The following SDHB variants were observed in gnomAD, a reference collection of about 807,000 sequenced individuals.
SDHB encodes the protein succinate dehydrogenase complex iron sulfur subunit B.
SDHB carries 21 observed loss-of-function variants against 39.7 expected under a neutral mutation model. That is an observed-to-expected ratio of 0.53 (90% CI 0.37 to 0.76). The LOEUF is 0.76. SDHB is among the 30% of genes least tolerant of loss of function. The pLI, the probability that SDHB is intolerant of heterozygous loss-of-function variation, is 0.00. For synonymous variants in SDHB, 118 were observed against 117.0 expected, an observed-to-expected ratio of 1.01 and a Z score of -0.06; for missense variants, 343 against 350.9, an observed-to-expected ratio of 0.98 and a Z score of 0.18.
chr1:17,051,786 T>A (rs1311918579), intron 1 of SDHB, among the ~76,000 whole-genome samples: 1 of 152,102 alleles, frequency 6.6e-6, no homozygotes, highest in African/African-American at 2.4e-5. Context: ...TTATTCTGAT[T>A]TGTAAATAGG....
Position 17,022,872 on chromosome 1 carries a change from C to CCA in SDHB, c.643-144_643-143dup, listed in dbSNP as rs201222973. 3,392 of 1,083,166 alleles carry CCA rather than the reference C, an allele frequency of 3.1e-3. 149 individuals are homozygous for CCA. The Admixed American group carries it at 0.064, about 21-fold the overall frequency. The allele number at this position is 1,083,166 out of a possible 1,614,324, so 67.1% of individuals were successfully genotyped here. A position where few individuals can be genotyped will look rare whatever the true frequency, so the allele number is the denominator to read the frequency against. On this transcript the variant is annotated intron_variant, in intron 6 of 7. Coordinates refer to ENST00000375499, the MANE Select transcript of SDHB (RefSeq NM_003000.3). Reference sequence around the variant, plus strand: ...CATCTCCATACTCTTTAATTCTTGTCCATCTTTCAAGGAAAGGTTCCCAAC... The same window carrying CCA: ...CATCTCCATACTCTTTAATTCTTGTCCACATCTTTCAAGGAAAGGTTCCCAAC...
intron 2 of SDHB, among the ~76,000 whole-genome samples, chr1:17,043,025 G>A (rs1405324855): frequency 3.8e-5 from 5 of 130,466 alleles, no homozygotes; most frequent in Non-Finnish European, 7.7e-5. Flanking sequence ...GCAGTGGCAC[G>A]ATCTCGGCTC....
intron 5 of SDHB, 132 bp downstream of exon 5, chr1:17,027,617 C>T (rs967297166): frequency 2.7e-6 from 2 of 746,564 alleles, no homozygotes; most frequent in Non-Finnish European, 4.9e-6. Context: ...GAGTGCCCCA[C>T]CCTTGTGCCA....
At chr1:17,028,805 T>C in intron 3 of SDHB, 69 bp from the exon 4 acceptor site, 1 of 1,579,830 alleles carries the variant, frequency 6.3e-7, no homozygotes, top group Non-Finnish European at 8.6e-7. Context: ...AATACTTTCT[T>C]CTGGATCCTC....
rs370923034 is a variant in SDHB, at chr1:17,040,799, C to G, written c.200+3962G>C. ...GATGCTGTTCCATAGATCACAGGAG[C>G]GCTTTCCCTTTTCAAAAATCTTTCT... On this transcript the variant is annotated intron_variant, in intron 2 of 7. Coordinates refer to ENST00000375499, the MANE Select transcript of SDHB (RefSeq NM_003000.3). Among the ~76,000 whole-genome samples the G allele has an allele frequency of 5.3e-5, 8 of 152,024 alleles. No individual in the cohort carries two copies. The East Asian group carries it at 1.4e-3, about 26-fold the overall frequency.
Position 17,018,898 on chromosome 1 carries a change from TCTC to T in SDHB, c.823_825del (p.Glu275del), listed in dbSNP as rs1221042239. 1.2e-6 allele frequency: 2 copies of T among 1,612,200 alleles called. No homozygotes were observed. The highest frequency in any genetic ancestry group is 1.7e-6 in the Non-Finnish European group (2 of 1,178,474). On this transcript the variant is annotated inframe_deletion, in exon 8 of 8. Coordinates refer to ENST00000375499, the MANE Select transcript of SDHB (RefSeq NM_003000.3). ...GGAAACAGTTAAACTGAAGCTTTCT[TCTC>T]CTTATAGGTTGCCATCATTTTCTTG...
chr1:17,020,663 T>C lies in SDHB; in HGVS notation c.766-1705A>G, dbSNP rs187341310. On this transcript the variant is annotated intron_variant, in intron 7 of 7. Coordinates refer to ENST00000375499, the MANE Select transcript of SDHB (RefSeq NM_003000.3). ...TCAAACAAGCCCAGTACTCATGTTTTTTTAAAAAATAACATAAGGTGACAT... is the reference window on the plus strand; with the variant it reads ...TCAAACAAGCCCAGTACTCATGTTTCTTTAAAAAATAACATAAGGTGACAT... 2.0e-3 allele frequency among the ~76,000 whole-genome samples: 309 copies of C among 152,326 alleles called. 3 individuals are homozygous for C. The Middle Eastern group carries it at 0.034, about 17-fold the overall frequency.
intron 1 of SDHB, among the ~76,000 whole-genome samples, chr1:17,048,803 C>G (rs1025421740): frequency 6.6e-6 from 1 of 151,660 alleles, no homozygotes; most frequent in Non-Finnish European, 1.5e-5. Flanking sequence ...CTCCACCTCC[C>G]GACTTCAAGT....
intron 3 of SDHB, among the ~76,000 whole-genome samples, chr1:17,030,954 CT>C (rs35938342): frequency 0.57 from 81,125 of 141,922 alleles, 23,345 homozygotes; most frequent in Non-Finnish European, 0.63. Flanking sequence ...CTGGCCTCAC[CT>C]TTTTTTTTTT....
intron 3 of SDHB, 101 bp from the exon 4 acceptor site, chr1:17,028,837 G>T (rs2078006149): frequency 4.5e-6 from 6 of 1,343,020 alleles, no homozygotes; most frequent in Non-Finnish European, 1.1e-6. Flanking sequence ...ATCAGGGGCA[G>T]CACTGACATG....
chr1:17,053,893 C>T, intron 1 of SDHB, 55 bp downstream of exon 1: 3 of 1,335,826 alleles, frequency 2.2e-6, no homozygotes, highest in East Asian at 2.4e-5. Flanking sequence ...CCATCAGCTC[C>T]AGGCAGTCTC....
intron 2 of SDHB, among the ~76,000 whole-genome samples, chr1:17,041,125 G>A (rs536883989): frequency 5.3e-5 from 8 of 152,198 alleles, no homozygotes; most frequent in East Asian, 1.9e-4. Context: ...GCAAGACTCC[G>A]TCTCAAGAAA....
intron 7 of SDHB, among the ~76,000 whole-genome samples, chr1:17,020,991 G>A (rs1467217638): frequency 6.6e-6 from 1 of 152,114 alleles, no homozygotes; most frequent in Non-Finnish European, 1.5e-5. Flanking sequence ...TTTCCACCTT[G>A]CCGCCCACTG....
chr1:17,031,732 T>C (rs886096576), intron 3 of SDHB, among the ~76,000 whole-genome samples: 2 of 151,924 alleles, frequency 1.3e-5, no homozygotes, highest in African/African-American at 4.8e-5. Context: ...GGCTTTTCCT[T>C]TTTTTTTAAG....
At chr1:17,039,176 GTTCTCTTC>G (rs2078065658) in intron 2 of SDHB, among the ~76,000 whole-genome samples, 1 of 151,856 alleles carries the variant, frequency 6.6e-6, no homozygotes. Flanking sequence ...TTTTGCTGCT[GTTCTCTTC>G]TTCTTTTCTT....
intron 7 of SDHB, among the ~76,000 whole-genome samples, chr1:17,019,831 C>T (rs996946003): frequency 8.5e-5 from 13 of 152,158 alleles, no homozygotes; most frequent in African/African-American, 3.1e-4. Flanking sequence ...ACACCTGGCT[C>T]AAGTGATCCT....
rs115988696 is a variant in SDHB, at chr1:17,043,661, C to A, written c.200+1100G>T. Among the ~76,000 whole-genome samples the A allele has an allele frequency of 8.9e-3, 1,352 of 152,218 alleles. 25 individuals are homozygous for A. The highest frequency in any genetic ancestry group is 0.031 in the African/African-American group (1,304 of 41,528). Reference sequence around the variant, plus strand: ...TTTTCTTTGGCTAACTGTGGAGTTCCTTAAAAGTGAAAGATGTTGGAAAAA... The same window carrying A: ...TTTTCTTTGGCTAACTGTGGAGTTCATTAAAAGTGAAAGATGTTGGAAAAA... On this transcript the variant is annotated intron_variant, in intron 2 of 7. Transcript: ENST00000375499.
In SDHB at chr1:17,031,829, T is replaced by C. The variant is rs372718921; in HGVS notation, c.286+1231A>G. 7.9e-5 allele frequency among the ~76,000 whole-genome samples: 12 copies of C among 152,302 alleles called. No individual in the cohort carries two copies. The South Asian group carries it at 1.2e-3, about 16-fold the overall frequency. On this transcript the variant is annotated intron_variant, in intron 3 of 7. Coordinates refer to ENST00000375499, the MANE Select transcript of SDHB (RefSeq NM_003000.3). Reference sequence around the variant, plus strand: ...TCCCAGGTGTTCCAAGCCAAGTCAGTGCCTGAGAGAGCAGATCTGGAGTCT... The same window carrying C: ...TCCCAGGTGTTCCAAGCCAAGTCAGCGCCTGAGAGAGCAGATCTGGAGTCT...
intron 6 of SDHB, 93 bp downstream of exon 6, chr1:17,023,880 T>G (rs2077976672): frequency 2.1e-6 from 2 of 935,266 alleles, no homozygotes; most frequent in Non-Finnish European, 3.5e-6. Context: ...ACCAGGCCCC[T>G]CAGAATGGCT....
Sources: gnomAD v4.1 joint callset for allele counts (sites outside exome capture counted in the v4.1 genomes callset) on GRCh38, gnomAD v4.1.1 for gene constraint, MANE v1.5 for transcripts, NCBI Gene and HGNC (gene_info 2026-07-23, HGNC 2026-07-21) for gene names.